The following SGCZ variants were observed in gnomAD, a reference collection of about 807,000 sequenced individuals.
The protein encoded by SGCZ is zeta-sarcoglycan.
A neutral mutation model predicts 41.3 loss-of-function variants in SGCZ; 40 were observed. The observed-to-expected ratio is 0.97, with a 90% CI of 0.75 to 1.26. The LOEUF is 1.26. Ranked by LOEUF, SGCZ falls within the 50% of genes most tolerant of loss-of-function variation. SGCZ has a pLI of 0.00. For synonymous variants in SGCZ, 206 were observed against 137.5 expected, an observed-to-expected ratio of 1.50 and a Z score of -3.49; for missense variants, 552 against 369.8, an observed-to-expected ratio of 1.49 and a Z score of -4.04.
intron 3 of SGCZ, among the ~76,000 whole-genome samples, chr8:14,290,291 G>C (rs1800794954): frequency 6.6e-6 from 1 of 150,694 alleles, no homozygotes; most frequent in Non-Finnish European, 1.5e-5. Flanking sequence ...AGGATCTTTT[G>C]TATGAAACCA....
At chr8:14,292,490 G>A (rs903522144) in intron 3 of SGCZ, among the ~76,000 whole-genome samples, 1 of 151,990 alleles carries the variant, frequency 6.6e-6, no homozygotes, top group Non-Finnish European at 1.5e-5. Context: ...GATCAACAAA[G>A]AATTCAACAT....
chr8:14,723,312 C>CT (rs1440656485), intron 1 of SGCZ, among the ~76,000 whole-genome samples: 1 of 152,210 alleles, frequency 6.6e-6, no homozygotes, highest in Non-Finnish European at 1.5e-5. Context: ...AACACCAGGG[C>CT]TTGTTCCTGG....
intron 2 of SGCZ, among the ~76,000 whole-genome samples, chr8:14,371,607 G>T (rs999364884): frequency 2.6e-5 from 4 of 152,030 alleles, no homozygotes; most frequent in African/African-American, 9.7e-5. Flanking sequence ...GGTAAAGAAA[G>T]AATTCCTCTG....
chr8:14,771,941 T>C (rs1282931650), intron 1 of SGCZ, among the ~76,000 whole-genome samples: 1 of 152,168 alleles, frequency 6.6e-6, no homozygotes, highest in East Asian at 1.9e-4. Flanking sequence ...ATATATGATA[T>C]CTATTTGATT....
intron 2 of SGCZ, among the ~76,000 whole-genome samples, chr8:14,345,640 C>G (rs142227704): frequency 3.5e-4 from 54 of 152,204 alleles, no homozygotes; most frequent in African/African-American, 1.3e-3. Flanking sequence ...TATTTCCCAG[C>G]TTTCCCAGAA....
At chr8:14,537,465 A>G (rs766207536) in intron 2 of SGCZ, among the ~76,000 whole-genome samples, 1 of 151,926 alleles carries the variant, frequency 6.6e-6, no homozygotes, top group Non-Finnish European at 1.5e-5. Context: ...TATTTCTTCA[A>G]TAAAGATAAT....
At chr8:14,232,362 A>G (rs188186845) in intron 4 of SGCZ, among the ~76,000 whole-genome samples, 16 of 152,082 alleles carry the variant, frequency 1.1e-4, no homozygotes, top group South Asian at 2.1e-4. Context: ...AACAGTTTCT[A>G]TTGTTAAGTG....
intron 1 of SGCZ, among the ~76,000 whole-genome samples, chr8:15,122,264 G>C (rs985881959): frequency 6.6e-6 from 1 of 152,052 alleles, no homozygotes; most frequent in Admixed American, 6.5e-5. Context: ...AATGGGAATT[G>C]TGGTATGTTG....
intron 4 of SGCZ, among the ~76,000 whole-genome samples, chr8:14,218,201 T>G (rs1045989262): frequency 6.6e-6 from 1 of 152,206 alleles, no homozygotes; most frequent in Admixed American, 6.5e-5. Flanking sequence ...ATCTTGTTCA[T>G]AGAAAGTAAA....
intron 2 of SGCZ, among the ~76,000 whole-genome samples, chr8:14,414,288 T>C (rs904567828): frequency 6.6e-6 from 1 of 151,956 alleles, no homozygotes; most frequent in Non-Finnish European, 1.5e-5. Flanking sequence ...CAGTTGTTTA[T>C]CTAGACGTTA....
At chr8:14,325,954 T>C (rs1452873888) in intron 2 of SGCZ, among the ~76,000 whole-genome samples, 3 of 145,948 alleles carry the variant, frequency 2.1e-5, no homozygotes, top group South Asian at 2.2e-4. Context: ...CTACTAAAAA[T>C]ACAAAAAATT....
intron 1 of SGCZ, among the ~76,000 whole-genome samples, chr8:14,648,414 T>C (rs1807293569): frequency 6.6e-6 from 1 of 152,086 alleles, no homozygotes; most frequent in Non-Finnish European, 1.5e-5. Context: ...CATTTCTCTT[T>C]ATTTGGATCA....
intron 1 of SGCZ, among the ~76,000 whole-genome samples, chr8:14,657,792 G>T (rs202207168): frequency 2.6e-5 from 4 of 152,046 alleles, no homozygotes; most frequent in African/African-American, 9.7e-5. Flanking sequence ...ATGTATACTT[G>T]CATGTTACTG....
chr8:14,379,879 G>T (rs555524684), intron 2 of SGCZ, among the ~76,000 whole-genome samples: 5 of 152,050 alleles, frequency 3.3e-5, no homozygotes, highest in African/African-American at 1.2e-4. Flanking sequence ...TTACAAGAGT[G>T]TGCCACCACG....
At chr8:14,428,057 G>A (rs1223892323) in intron 2 of SGCZ, among the ~76,000 whole-genome samples, 4 of 151,236 alleles carry the variant, frequency 2.6e-5, no homozygotes, top group African/African-American at 9.7e-5. Context: ...TATCTGCAGG[G>A]GTCCTGGAAT....
At chr8:15,192,453 G>T (rs1800573132) in intron 1 of SGCZ, among the ~76,000 whole-genome samples, 4 of 152,166 alleles carry the variant, frequency 2.6e-5, no homozygotes, top group African/African-American at 9.6e-5. Context: ...TTTGAAAAAA[G>T]AAACACATCA....
rs114293015 is a variant in SGCZ at position 14,125,010 on chromosome 8, G to A, written c.548-16775C>T. On this transcript the variant is annotated intron_variant, in intron 5 of 7. Coordinates refer to ENST00000382080, the MANE Select transcript of SGCZ (RefSeq NM_139167.4). ...CCTATACACGAACAAAAGACAAGCA[G>A]AGAGCTAAATTATGAATGAACTCCC... Among the ~76,000 whole-genome samples, 817 of 152,202 alleles carry A rather than the reference G, an allele frequency of 5.4e-3. 7 individuals carry two copies. The highest frequency in any genetic ancestry group is 0.018 in the African/African-American group (738 of 41,532).
At chr8:14,394,519 G>A (rs1160209570) in intron 2 of SGCZ, among the ~76,000 whole-genome samples, 2 of 152,132 alleles carry the variant, frequency 1.3e-5, no homozygotes, top group South Asian at 2.1e-4. Flanking sequence ...GATGACACAT[G>A]TACATCTTGA....
Position 14,610,544 on chromosome 8 carries a change from A to C in SGCZ, c.40-55618T>G, listed in dbSNP as rs532815825. ...AGGGCTCTTGTGTCACATAAAACTCATCTTAAATGTATGTGCTTTTCTCCT... is the reference window on the plus strand; with the variant it reads ...AGGGCTCTTGTGTCACATAAAACTCCTCTTAAATGTATGTGCTTTTCTCCT... On this transcript the variant is annotated intron_variant, in intron 1 of 7. Transcript: ENST00000382080. Among the ~76,000 whole-genome samples the C allele has an allele frequency of 2.0e-5, 3 of 152,230 alleles. No homozygotes were observed. The East Asian group carries it at 5.8e-4, about 29-fold the overall frequency.
Sources: allele counts gnomAD v4.1 joint callset (sites outside exome capture counted in the v4.1 genomes callset), GRCh38; gene constraint gnomAD v4.1.1; transcripts MANE v1.5; gene names NCBI Gene and HGNC (gene_info 2026-07-23, HGNC 2026-07-21).